Variants in RELL1 observed in about 807,000 individuals in gnomAD.
The protein encoded by RELL1 is RELT like 1.
Under a neutral mutation model 23.0 loss-of-function variants are expected in RELL1, and 10 were observed. The ratio of observed to expected loss-of-function variants is 0.43; its 90% CI spans 0.27 to 0.74. The LOEUF is 0.74. Among genes scored for constraint, RELL1 ranks in the 30% least tolerant of loss-of-function variants. The pLI, the probability that RELL1 is intolerant of heterozygous loss-of-function variation, is 0.19. For missense variants in RELL1, 315 were observed against 364.4 expected (o/e 0.86, Z 1.10); for synonymous variants, 146 against 146.8 (o/e 0.99, Z 0.04).
chr4:37,669,069 C>T, intron 1 of RELL1, among the ~76,000 whole-genome samples: 2 of 132,052 alleles, frequency 1.5e-5, no homozygotes, highest in African/African-American at 3.4e-5. Flanking sequence ...GGGTCAGCCC[C>T]CCGCCTGGCC....
chr4:37,622,337 T>G (rs1056544277), intron 6 of RELL1, among the ~76,000 whole-genome samples: 1 of 152,234 alleles, frequency 6.6e-6, no homozygotes, highest in African/African-American at 2.4e-5. Context: ...TAGTGAACAC[T>G]GATCACACTG....
At chr4:37,592,579 C>A (rs952785690) in intron 6 of RELL1, among the ~76,000 whole-genome samples, 13 of 152,102 alleles carry the variant, frequency 8.5e-5, no homozygotes, top group Non-Finnish European at 1.9e-4. Flanking sequence ...AATTTAAAGG[C>A]ATTAAGGATG....
downstream of RELL1, chr4:37,588,078 C>G (rs774594297): frequency 1.3e-5 from 2 of 152,176 alleles, no homozygotes; most frequent in Non-Finnish European, 2.9e-5. Flanking sequence ...AAGAGGCCAA[C>G]ATGGTCAGTT....
intron 1 of RELL1, among the ~76,000 whole-genome samples, chr4:37,681,931 T>C (rs1484388894): frequency 1.3e-5 from 2 of 152,230 alleles, no homozygotes; most frequent in Non-Finnish European, 2.9e-5. Flanking sequence ...TTTACAAATA[T>C]GTTAGAATAA....
intron 4 of RELL1, among the ~76,000 whole-genome samples, chr4:37,636,334 A>C (rs1254338248): frequency 6.6e-6 from 1 of 152,160 alleles, no homozygotes; most frequent in Non-Finnish European, 1.5e-5. Context: ...GGTGGCTCAC[A>C]CTTGTAATCC....
intron 3 of RELL1, among the ~76,000 whole-genome samples, chr4:37,639,394 A>G (rs538449042): frequency 6.6e-6 from 1 of 151,780 alleles, no homozygotes; most frequent in South Asian, 2.1e-4. Flanking sequence ...AAAAAAAAAA[A>G]AAAAAAAAAA....
intron 1 of RELL1, among the ~76,000 whole-genome samples, chr4:37,660,670 G>A (rs903181280): frequency 2.0e-5 from 3 of 152,136 alleles, no homozygotes; most frequent in Non-Finnish European, 2.9e-5. Flanking sequence ...AAGGGTTTCC[G>A]ACTGTCACAA....
chr4:37,596,732 ATATATTTTTTTTTTTTTTTTT>A (rs1162691257), intron 6 of RELL1, among the ~76,000 whole-genome samples: 5 of 17,104 alleles, frequency 2.9e-4, no homozygotes, highest in African/African-American at 8.2e-4. Context: ...ATATATATAT[ATATATTTTTTTTTTTTTTTTT>A]TTTTTTTTTT....
chr4:37,619,509 A>G (rs1373893555), intron 6 of RELL1, among the ~76,000 whole-genome samples: 1 of 152,106 alleles, frequency 6.6e-6, no homozygotes, highest in Non-Finnish European at 1.5e-5. Flanking sequence ...AGGTGACCAC[A>G]TGAACCAGTT....
At chr4:37,673,217 T>TC (rs1721903655) in intron 1 of RELL1, among the ~76,000 whole-genome samples, 1 of 69,518 alleles carries the variant, frequency 1.4e-5, no homozygotes, top group African/African-American at 5.3e-5. Flanking sequence ...TGAGACAGGG[T>TC]TTCACTCTGT....
chr4:37,590,540 A>T, downstream of RELL1: 1 of 1,614,004 alleles, frequency 6.2e-7, no homozygotes, highest in Non-Finnish European at 8.5e-7. Context: ...AGAAATGGAG[A>T]CTCCAGAGCT....
Position 37,612,332 on chromosome 4 carries a change from A to AC in RELL1, c.*1013_*1014insG, listed in dbSNP as rs1460375347. On this transcript the variant is annotated 3_prime_UTR_variant, in exon 7 of 7. Coordinates refer to ENST00000454158, the MANE Select transcript of RELL1 (RefSeq NM_001085400.2). ...CGCTCAGCTAAAGGTTAAAAAAAAAAAAAAAACAAAAAAAAACAAAAAACC... is the reference window on the plus strand; with the variant it reads ...CGCTCAGCTAAAGGTTAAAAAAAAAACAAAAAACAAAAAAAAACAAAAAACC... 0.011 allele frequency among the ~76,000 whole-genome samples: 263 copies of AC among 24,968 alleles called. 5 individuals carry two copies. The highest frequency in any genetic ancestry group is 0.054 in the Admixed American group (106 of 1,964). 16.4% of individuals were successfully genotyped at this position (24,968 alleles called of 152,430 possible). A position where few individuals can be genotyped will look rare whatever the true frequency, so the allele number is the denominator to read the frequency against.
chr4:37,591,126 C>A lies in RELL1; in HGVS notation c.*95G>T, dbSNP rs1560316271. On this transcript the variant is annotated 3_prime_UTR_variant, in exon 7 of 7. Transcript: ENST00000314117. ...GTGCAGCCTTACCAGTTGTTTACATCCAGCATCTGTTCTGATTGTCAGCAT... is the reference window on the plus strand; with the variant it reads ...GTGCAGCCTTACCAGTTGTTTACATACAGCATCTGTTCTGATTGTCAGCAT... 3 of 743,344 alleles carry A rather than the reference C, an allele frequency of 4.0e-6. No homozygotes were observed. In the East Asian group the frequency reaches 7.9e-5, roughly 20 times the overall value. The allele number at this position is 743,344 out of a possible 1,614,324, so 46.0% of individuals were successfully genotyped here. A position where few individuals can be genotyped will look rare whatever the true frequency, so the allele number is the denominator to read the frequency against.
chr4:37,632,123 C>A (rs1418748739), intron 5 of RELL1, among the ~76,000 whole-genome samples: 1 of 144,152 alleles, frequency 6.9e-6, no homozygotes, highest in Non-Finnish European at 1.5e-5. Flanking sequence ...CTCAGAGACT[C>A]GAATATTAAA....
intron 6 of RELL1, among the ~76,000 whole-genome samples, chr4:37,595,226 C>T (rs1577551643): frequency 6.6e-6 from 1 of 152,252 alleles, no homozygotes; most frequent in Admixed American, 6.5e-5. Flanking sequence ...GTAAGTTTCT[C>T]ATATGTATCA....
chr4:37,618,393 A>AT lies in RELL1; in HGVS notation c.*4-5052dup, dbSNP rs113916618. Among the ~76,000 whole-genome samples, 1,093 of 149,884 alleles carry AT rather than the reference A, an allele frequency of 7.3e-3. 11 individuals carry two copies. Among genetic ancestry groups the AT allele is most frequent in the African/African-American group, 0.023 (934 of 40,740 alleles). ...TGCCACCCTACTCAGCTAATTTTTTATTTTTTTTTATTTATTTATTTTTTT... is the reference window on the plus strand; with the variant it reads ...TGCCACCCTACTCAGCTAATTTTTTATTTTTTTTTTATTTATTTATTTTTTT... On this transcript the variant is annotated intron_variant, in intron 6 of 6. Coordinates refer to ENST00000454158, the MANE Select transcript of RELL1 (RefSeq NM_001085400.2).
intron 5 of RELL1, among the ~76,000 whole-genome samples, chr4:37,632,964 G>A (rs1720192794): frequency 6.6e-6 from 1 of 152,140 alleles, no homozygotes; most frequent in South Asian, 2.1e-4. Context: ...CTGAAGAAGT[G>A]AAAGAAATAA....
chr4:37,639,383 CAAAAAAAA>C (rs58310167), intron 3 of RELL1, among the ~76,000 whole-genome samples: 3 of 66,260 alleles, frequency 4.5e-5, no homozygotes, highest in South Asian at 5.7e-4. Context: ...GACTCTGTCT[CAAAAAAAA>C]AAAAAAAAAA....
intron 6 of RELL1, among the ~76,000 whole-genome samples, chr4:37,603,876 T>G (rs1157413436): frequency 2.0e-5 from 3 of 152,204 alleles, no homozygotes; most frequent in Non-Finnish European, 4.4e-5. Context: ...TTGAATGCAA[T>G]GGCACAATTA....
Sources: allele counts gnomAD v4.1 joint callset (sites outside exome capture counted in the v4.1 genomes callset), GRCh38; gene constraint gnomAD v4.1.1; transcripts MANE v1.5; gene names NCBI Gene and HGNC (gene_info 2026-07-23, HGNC 2026-07-21).